The following N4BP2 variants were observed in gnomAD, a reference collection of about 807,000 sequenced individuals.
N4BP2 encodes the protein NEDD4 binding protein 2.
A neutral mutation model predicts 152.8 loss-of-function variants in N4BP2; 91 were observed. That is an observed-to-expected ratio of 0.60 (90% CI 0.50 to 0.71). N4BP2 has a LOEUF of 0.71. Among genes scored for constraint, N4BP2 ranks in the 30% least tolerant of loss-of-function variants. N4BP2 has a pLI of 0.00. For missense variants in N4BP2, 1,923 were observed against 2,059.1 expected, an observed-to-expected ratio of 0.93 and a Z score of 1.28; for synonymous variants, 646 against 705.3, an observed-to-expected ratio of 0.92 and a Z score of 1.33.
intron 16 of N4BP2, among the ~76,000 whole-genome samples, chr4:40,148,408 C>G (rs1230722125): frequency 6.6e-6 from 1 of 150,708 alleles, no homozygotes. Context: ...GCAGTACAGT[C>G]CAGCTTCGGC....
intron 2 of N4BP2, 106 bp downstream of exon 2, chr4:40,073,657 A>C (rs969197477): frequency 2.6e-5 from 4 of 151,916 alleles, no homozygotes; most frequent in Non-Finnish European, 5.9e-5. Context: ...ACAGTGGCGC[A>C]ATCTTGACTC....
intron 16 of N4BP2, among the ~76,000 whole-genome samples, chr4:40,148,465 GGGGAGA>G (rs763462736): frequency 0.16 from 23,891 of 146,660 alleles, 2,728 homozygotes; most frequent in Admixed American, 0.23. Flanking sequence ...GGGAGACTGT[GGGGAGA>G]GGGAGAGGGG....
chr4:40,165,561 GAAGC>G, the N4BP2 span, among the ~76,000 whole-genome samples: 2 of 152,120 alleles, frequency 1.3e-5, no homozygotes, highest in South Asian at 4.1e-4. Context: ...AAGAGAAAAA[GAAGC>G]AAGGTGCAAA....
intron 16 of N4BP2, 54 bp downstream of exon 16, chr4:40,144,854 T>G: frequency 7.0e-7 from 1 of 1,424,308 alleles, no homozygotes; most frequent in African/African-American, 1.4e-5. Flanking sequence ...TTGCTTATAT[T>G]GGTATAGCTT....
intron 1 of N4BP2, among the ~76,000 whole-genome samples, chr4:40,063,613 A>G (rs1733819061): frequency 6.6e-6 from 1 of 152,056 alleles, no homozygotes; most frequent in African/African-American, 2.4e-5. Context: ...TTATCGTTTT[A>G]TTGATTTATT....
the N4BP2 span, among the ~76,000 whole-genome samples, chr4:40,185,404 AG>A: frequency 6.6e-6 from 1 of 152,246 alleles, no homozygotes; most frequent in Non-Finnish European, 1.5e-5. Context: ...TAAAGTTAAA[AG>A]AAAACTTAGT....
In N4BP2 at chr4:40,155,559, T is replaced by C. The variant is rs1347229258; in HGVS notation, c.*1322T>C. The C allele has an allele frequency of 6.6e-6, 1 of 152,214 alleles. No homozygotes were observed. Among genetic ancestry groups the C allele is most frequent in the Admixed American group, 6.5e-5 (1 of 15,276 alleles). The allele number at this position is 152,214 out of a possible 1,614,324, so 9.4% of individuals were successfully genotyped here. A position where few individuals can be genotyped will look rare whatever the true frequency, so the allele number is the denominator to read the frequency against. On this transcript the variant is annotated 3_prime_UTR_variant, in exon 18 of 18. Transcript: ENST00000261435. ...TTGGTTAGCTAATAAATTCTGTTAG[T>C]ATGCAAGTTAAACCTGTGTAAAGGA...
intron 2 of N4BP2, among the ~76,000 whole-genome samples, chr4:40,093,996 A>G (rs1282393017): frequency 2.6e-5 from 4 of 152,176 alleles, no homozygotes; most frequent in Non-Finnish European, 5.9e-5. Flanking sequence ...TCAGCCTCCC[A>G]GGGTGCTGGG....
At chr4:40,173,088 C>A in the N4BP2 span, among the ~76,000 whole-genome samples, 1 of 152,030 alleles carries the variant, frequency 6.6e-6, no homozygotes, top group African/African-American at 2.4e-5. Flanking sequence ...AAAAAAGGAT[C>A]TTTGTGGTCA....
downstream of N4BP2, among the ~76,000 whole-genome samples, chr4:40,161,621 C>A (rs1721862053): frequency 6.6e-6 from 1 of 152,090 alleles, no homozygotes; most frequent in Admixed American, 6.6e-5. Context: ...AAAAGAGATA[C>A]ATGCTGAAAT....
At chr4:40,130,958 G>GAGCA (rs1718852270) in intron 12 of N4BP2, among the ~76,000 whole-genome samples, 2 of 151,902 alleles carry the variant, frequency 1.3e-5, no homozygotes. Context: ...TGACAGTTTA[G>GAGCA]AGCAGATCCA....
At position 40,123,215 on chromosome 4, in the gene N4BP2, T is replaced by C; in HGVS notation, c.4284+3T>C. On this transcript the variant is annotated splice_donor_region_variant and intron_variant, in intron 10 of 17. Transcript: ENST00000261435. ...AGAAATGGAAAGAATCTGTAATGGT[T>C]GGTAGGCTTCTTTTTATAAAGAGCT... 1 of 1,598,666 alleles carries C rather than the reference T, an allele frequency of 6.3e-7. No individual in the cohort carries two copies. Among genetic ancestry groups the C allele is most frequent in the Non-Finnish European group, 8.6e-7 (1 of 1,167,574 alleles).
rs534885144 is a variant in N4BP2, at chr4:40,141,692, G to A, written c.4786-981G>A. On this transcript the variant is annotated intron_variant, in intron 14 of 17. Transcript: ENST00000261435. Reference sequence around the variant, plus strand: ...TCACTTCCCAGACGGGGTGGCGGCCGGGCAGAGGCTGCAATCTCCGGCACT... The same window carrying A: ...TCACTTCCCAGACGGGGTGGCGGCCAGGCAGAGGCTGCAATCTCCGGCACT... Among the ~76,000 whole-genome samples the A allele has an allele frequency of 5.7e-3, 867 of 152,318 alleles. 8 individuals carry two copies. Among genetic ancestry groups the A allele is most frequent in the African/African-American group, 0.019 (810 of 41,580 alleles).
the N4BP2 span, chr4:40,167,114 A>T: frequency 6.6e-6 from 1 of 152,186 alleles, no homozygotes; most frequent in African/African-American, 2.4e-5. Flanking sequence ...CAGATAATTG[A>T]CCTGGTGTTT....
intron 13 of N4BP2, among the ~76,000 whole-genome samples, chr4:40,135,322 C>T (rs1451541287): frequency 2.6e-5 from 4 of 151,060 alleles, no homozygotes; most frequent in Admixed American, 1.3e-4. Context: ...TGTATATGTG[C>T]CACATTTTCT....
At chr4:40,161,150 C>T (rs188837634), downstream of N4BP2, among the ~76,000 whole-genome samples, 68 of 152,228 alleles carry the variant, frequency 4.5e-4, no homozygotes, top group Middle Eastern at 3.4e-3. Flanking sequence ...AATGAGAAGT[C>T]GAGAATTGAA....
intron 2 of N4BP2, among the ~76,000 whole-genome samples, chr4:40,082,056 G>T (rs1420461794): frequency 2.0e-5 from 3 of 152,126 alleles, no homozygotes; most frequent in African/African-American, 4.8e-5. Flanking sequence ...AGGTTGCAGT[G>T]AGCCAAGGTT....
chr4:40,063,843 C>T (rs1051794085), intron 1 of N4BP2, among the ~76,000 whole-genome samples: 1 of 151,970 alleles, frequency 6.6e-6, no homozygotes, highest in Non-Finnish European at 1.5e-5. Context: ...CAGGGTTTCA[C>T]CATGTTGGCC....
At chr4:40,114,454 C>T (rs1450949135) in intron 7 of N4BP2, among the ~76,000 whole-genome samples, 1 of 152,142 alleles carries the variant, frequency 6.6e-6, no homozygotes, top group Non-Finnish European at 1.5e-5. Flanking sequence ...GTTGCGTATA[C>T]TGCATATAAA....
Sources: allele counts gnomAD v4.1 joint callset (sites outside exome capture counted in the v4.1 genomes callset), GRCh38; gene constraint gnomAD v4.1.1; transcripts MANE v1.5; gene names NCBI Gene and HGNC (gene_info 2026-07-23, HGNC 2026-07-21).